The following DOCK5 variants were observed in gnomAD, a reference collection of about 807,000 sequenced individuals.
The protein encoded by DOCK5 is dedicator of cytokinesis 5.
DOCK5 carries 142 observed loss-of-function variants against 251.8 expected under a neutral mutation model. The ratio of observed to expected loss-of-function variants is 0.56; its 90% CI spans 0.49 to 0.65. DOCK5 has a LOEUF of 0.65. DOCK5 is among the 30% of genes least tolerant of loss of function. DOCK5 has a pLI of 0.00. For missense variants in DOCK5, 2,111 were observed against 2,312.3 expected (o/e 0.91, Z 1.79); for synonymous variants, 842 against 835.5 (o/e 1.01, Z -0.13).
At chr8:25,309,112 A>G (rs1297106912) in intron 12 of DOCK5, among the ~76,000 whole-genome samples, 187 bp downstream of exon 12, 2 of 152,162 alleles carry the variant, frequency 1.3e-5, no homozygotes, top group African/African-American at 2.4e-5. Flanking sequence ...CCCAGCGGTG[A>G]TTTGATCACA....
intron 15 of DOCK5, among the ~76,000 whole-genome samples, chr8:25,320,200 G>A (rs1655693967): frequency 6.6e-6 from 1 of 152,088 alleles, no homozygotes; most frequent in Admixed American, 6.6e-5. Flanking sequence ...TGGTATCAGG[G>A]CCCAAACTAG....
At chr8:25,321,252 G>A (rs1805417541) in intron 16 of DOCK5, among the ~76,000 whole-genome samples, 200 bp downstream of exon 16, 1 of 152,158 alleles carries the variant, frequency 6.6e-6, no homozygotes, top group African/African-American at 2.4e-5. Context: ...TCTATATTAG[G>A]ATTTCCTCAA....
intron 1 of DOCK5, among the ~76,000 whole-genome samples, chr8:25,214,225 T>C (rs910452721): frequency 1.3e-5 from 2 of 152,166 alleles, no homozygotes; most frequent in Non-Finnish European, 2.9e-5. Context: ...CAGGTTCTGT[T>C]GTCTCCCTCA....
At chr8:25,191,899 T>G (rs758034693) in intron 1 of DOCK5, among the ~76,000 whole-genome samples, 3 of 146,386 alleles carry the variant, frequency 2.0e-5, no homozygotes, top group Non-Finnish European at 4.5e-5. Context: ...TTATATCTCC[T>G]AATGCTATCC....
chr8:25,398,016 G>GT (rs112920507), intron 45 of DOCK5, among the ~76,000 whole-genome samples: 15,406 of 152,202 alleles, frequency 0.1, 835 homozygotes, highest in African/African-American at 0.13. Context: ...ATATGTAATG[G>GT]TAATAGGTAG....
chr8:25,198,222 G>T (rs1801783103), intron 1 of DOCK5, among the ~76,000 whole-genome samples: 2 of 152,170 alleles, frequency 1.3e-5, no homozygotes, highest in Non-Finnish European at 2.9e-5. Context: ...CTTTCTGTGA[G>T]CCTGGAACAA....
Position 25,413,163 on chromosome 8 carries a change from G to A in DOCK5, c.*1865G>A, listed in dbSNP as rs1801659917. The A allele has an allele frequency of 6.6e-6, 1 of 152,172 alleles. No homozygotes were observed. The highest frequency in any genetic ancestry group is 1.5e-5 in the Non-Finnish European group (1 of 68,034). 9.4% of individuals were successfully genotyped at this position (152,172 alleles called of 1,614,324 possible). A position where few individuals can be genotyped will look rare whatever the true frequency, so the allele number is the denominator to read the frequency against. On this transcript the variant is annotated 3_prime_UTR_variant, in exon 52 of 52. Transcript: ENST00000276440. ...GATAATGCCTCCTGCATCGGTTGTT[G>A]TGAGGTTTCAATGAGATGAAATATG... is the stretch of plus-strand genomic sequence containing the variant.
chr8:25,357,151 A>C (rs1343885099), intron 27 of DOCK5, among the ~76,000 whole-genome samples: 2 of 151,460 alleles, frequency 1.3e-5, no homozygotes, highest in Non-Finnish European at 2.9e-5. Context: ...AATTTAGAGA[A>C]AAGGAAATGA....
intron 2 of DOCK5, among the ~76,000 whole-genome samples, chr8:25,250,500 C>G (rs149257883): frequency 6.6e-6 from 1 of 152,154 alleles, no homozygotes; most frequent in African/African-American, 2.4e-5. Flanking sequence ...TTACTGTGAA[C>G]GTTCCTTTCC....
At position 25,243,801 on chromosome 8, in the gene DOCK5, CAG is replaced by C. The variant is rs749973395; in HGVS notation, c.127+45_127+46del. Reference sequence around the variant, plus strand: ...CTGCCAGATGAGGGCAAGGGAAAAACAGTGTAAGTTACTTATTAAAAAGGCAC... The same window carrying C: ...CTGCCAGATGAGGGCAAGGGAAAAACTGTAAGTTACTTATTAAAAAGGCAC... On this transcript the variant is annotated intron_variant, in intron 2 of 51. Transcript: ENST00000276440. 39 of 1,579,328 alleles carry C rather than the reference CAG, an allele frequency of 2.5e-5. No homozygotes were observed. The Admixed American group carries it at 4.6e-4, about 19-fold the overall frequency.
At chr8:25,305,384 T>G (rs983631574) in intron 11 of DOCK5, 4 of 151,780 alleles carry the variant, frequency 2.6e-5, no homozygotes, top group Non-Finnish European at 5.9e-5. Flanking sequence ...CCAGTGTAAA[T>G]TTTAGATGAT....
chr8:25,362,592 G>T (rs1363682045), intron 28 of DOCK5, among the ~76,000 whole-genome samples: 1 of 149,538 alleles, frequency 6.7e-6, no homozygotes, highest in East Asian at 2.0e-4. Flanking sequence ...TCAGCCTCCC[G>T]AGTAGCTGGG....
intron 1 of DOCK5, among the ~76,000 whole-genome samples, chr8:25,233,809 A>G (rs796341235): frequency 3.7e-4 from 57 of 152,320 alleles, no homozygotes; most frequent in African/African-American, 1.3e-3. Flanking sequence ...AGGTGTATAT[A>G]TTTATGGGGT....
chr8:25,335,489 AAAT>A (rs533952667), intron 21 of DOCK5, among the ~76,000 whole-genome samples: 49 of 151,020 alleles, frequency 3.2e-4, no homozygotes, highest in Non-Finnish European at 4.7e-4. Flanking sequence ...GACTCCATCT[AAAT>A]AATAATAATA....
At chr8:25,288,117 C>A (rs1221605262) in intron 5 of DOCK5, among the ~76,000 whole-genome samples, 1 of 152,078 alleles carries the variant, frequency 6.6e-6, no homozygotes, top group Non-Finnish European at 1.5e-5. Context: ...AACTCCTGAC[C>A]TCAGGTGATC....
rs972663424 is a variant in DOCK5 at position 25,307,978 on chromosome 8, T to G, written c.1050-805T>G. ...TGTAAAAAACAGGAACTCAAGACTATAGCAATCCCATTTGCCAGTCACATA... is the reference window on the plus strand; with the variant it reads ...TGTAAAAAACAGGAACTCAAGACTAGAGCAATCCCATTTGCCAGTCACATA... On this transcript the variant is annotated intron_variant, in intron 11 of 51. Transcript: ENST00000276440. Among the ~76,000 whole-genome samples, 7 of 152,342 alleles carry G rather than the reference T, an allele frequency of 4.6e-5. No individual in the cohort carries two copies. The East Asian group carries it at 1.4e-3, about 29-fold the overall frequency.
intron 38 of DOCK5, among the ~76,000 whole-genome samples, chr8:25,378,231 C>A (rs1419103984): frequency 1.3e-5 from 2 of 152,132 alleles, no homozygotes; most frequent in African/African-American, 4.8e-5. Flanking sequence ...CCATGAGTCA[C>A]CTCATTAGCA....
At chr8:25,290,854 A>G (rs1181748990) in intron 5 of DOCK5, among the ~76,000 whole-genome samples, 7 of 152,226 alleles carry the variant, frequency 4.6e-5, no homozygotes, top group African/African-American at 7.2e-5. Context: ...GACCGCTAAC[A>G]TGAAGTTGAA....
intron 40 of DOCK5, among the ~76,000 whole-genome samples, chr8:25,384,889 T>C (rs921712544): frequency 6.6e-6 from 1 of 151,976 alleles, no homozygotes; most frequent in Non-Finnish European, 1.5e-5. Context: ...GCCGAGATGG[T>C]GCCACTGCAC....
Sources: gnomAD v4.1 joint callset for allele counts (sites outside exome capture counted in the v4.1 genomes callset) on GRCh38, gnomAD v4.1.1 for gene constraint, MANE v1.5 for transcripts, NCBI Gene and HGNC (gene_info 2026-07-23, HGNC 2026-07-21) for gene names.